Variants in SLC39A14 observed in about 807,000 individuals in gnomAD.
SLC39A14 encodes solute carrier family 39 member 14.
In SLC39A14, 19 loss-of-function variants were observed where a neutral mutation model predicts 45.5. The ratio of observed to expected loss-of-function variants is 0.42; its 90% confidence interval spans 0.29 to 0.61. The LOEUF is 0.61. Ranked by LOEUF, SLC39A14 falls within the 20% of genes least tolerant of loss-of-function variation. The pLI, the probability that SLC39A14 is intolerant of heterozygous loss-of-function variation, is 0.22. For synonymous variants in SLC39A14, 264 were observed against 251.3 expected (o/e 1.05, Z -0.48); for missense variants, 447 against 616.5 (o/e 0.73, Z 2.91).
rs145283346 is a variant in SLC39A14, at chr8:22,382,626, C to T, written c.-16+15218C>T. Among the ~76,000 whole-genome samples, 1,059 of 152,246 alleles carry T rather than the reference C, an allele frequency of 7.0e-3. 20 individuals carry two copies. The highest frequency in any genetic ancestry group is 0.025 in the African/African-American group (1,018 of 41,532). The stretch of plus-strand genomic sequence containing the variant: ...GTTGAAGGCTGTAGGGAGCTATGAT[C>T]CGGGCACTGCACTACAGCCTGTGCC... On this transcript the variant is annotated intron_variant, in intron 1 of 8. Coordinates refer to ENST00000381237, the MANE Select transcript of SLC39A14 (RefSeq NM_001128431.4).
At chr8:22,416,609 G>T (rs1338519249) in intron 7 of SLC39A14, among the ~76,000 whole-genome samples, 2,235 of 142,404 alleles carry the variant, frequency 0.016, 27 homozygotes, top group Non-Finnish European at 0.026. Flanking sequence ...TTTTTTTTTT[G>T]GATTTTTAGT....
Position 22,415,916 on chromosome 8 carries a change from A to G in SLC39A14, c.898A>G (p.Met300Val), listed in dbSNP as rs1835849244. The G allele has an allele frequency of 6.2e-7, 1 of 1,609,006 alleles. No individual in the cohort carries two copies. Among genetic ancestry groups the G allele is most frequent in the Non-Finnish European group, 8.5e-7 (1 of 1,177,394 alleles). The change falls in exon 6 of 9, where the codon ATG becomes GTG. Residue 300 changes from methionine to valine, a missense_variant. Physicochemically the swap from Met to Val is conservative, Grantham distance 21. Transcript: ENST00000381237. Reference protein sequence around the residue: ...CSSELDGKAPMVDEKVIVGSL... With the variant: ...CSSELDGKAPVVDEKVIVGSL... The stretch of plus-strand genomic sequence containing the variant: ...CAGTGAGCTGGACGGCAAGGCGCCC[A>G]TGGTGGACGAGAAGGTCATTGTGGG...
chr8:22,422,424 G>T lies in SLC39A14; in HGVS notation c.*2726G>T, dbSNP rs955619573. 2.0e-6 allele frequency: 2 copies of T among 985,750 alleles called. No homozygotes were observed. Among genetic ancestry groups the T allele is most frequent in the Middle Eastern group, 5.2e-4 (1 of 1,936 alleles). The allele number at this position is 985,750 out of a possible 1,614,324, so 61.1% of individuals were successfully genotyped here. On this transcript the variant is annotated 3_prime_UTR_variant, in exon 9 of 9. Transcript: ENST00000381237. ...GCTTCTCTGTTTGGGTAGCGTAAGA[G>T]CTGAGTATAGTAAGTCCTCTTCCAA...
At chr8:22,428,126 CCT>C (rs1836414785) in intron 8 of SLC39A14, among the ~76,000 whole-genome samples, 1 of 151,680 alleles carries the variant, frequency 6.6e-6, no homozygotes, top group African/African-American at 2.4e-5. Context: ...TGGGGAAACC[CCT>C]GTCTACGAAA....
rs1427200142 is a variant in SLC39A14 at position 22,382,981 on chromosome 8, G to A, written c.-16+15573G>A. On this transcript the variant is annotated intron_variant, in intron 1 of 8. Transcript: ENST00000381237. ...CATCCACCCGCATCGGCCTCCCAAA[G>A]TGTTGGGATTACAGGCGTGAGTCAC... Among the ~76,000 whole-genome samples the A allele has an allele frequency of 2.6e-5, 4 of 152,078 alleles. No homozygotes were observed. In the East Asian group the frequency reaches 7.8e-4, roughly 30 times the overall value.
chr8:22,408,095 C>G (rs927110973), intron 2 of SLC39A14, among the ~76,000 whole-genome samples: 3 of 152,226 alleles, frequency 2.0e-5, no homozygotes, highest in African/African-American at 7.2e-5. Flanking sequence ...GTGTAACTTT[C>G]CTGGCTGGCT....
downstream of SLC39A14, among the ~76,000 whole-genome samples, chr8:22,424,272 A>G (rs752880995): frequency 6.6e-6 from 1 of 152,188 alleles, no homozygotes; most frequent in African/African-American, 2.4e-5. Context: ...TCCTCTGTCA[A>G]TGCGACTTAA....
chr8:22,412,285 G>A, intron 4 of SLC39A14, 79 bp downstream of exon 4: 1 of 1,431,114 alleles, frequency 7.0e-7, no homozygotes. Flanking sequence ...AGAAGGCATA[G>A]AGAGGGCACC....
At chr8:22,423,565 G>A (rs1836325554), downstream of SLC39A14, among the ~76,000 whole-genome samples, 1 of 152,052 alleles carries the variant, frequency 6.6e-6, no homozygotes, top group Non-Finnish European at 1.5e-5. Context: ...TCGATCTCCT[G>A]ACCTCGTGAT....
At chr8:22,423,951 G>A (rs766841179), downstream of SLC39A14, among the ~76,000 whole-genome samples, 1 of 151,284 alleles carries the variant, frequency 6.6e-6, no homozygotes, top group Non-Finnish European at 1.5e-5. Context: ...GACTAGAGGC[G>A]AGCACTACCA....
At chr8:22,410,188 A>G (rs1586731118) in intron 3 of SLC39A14, 1 of 1,518,426 alleles carries the variant, frequency 6.6e-7, no homozygotes, top group Admixed American at 1.7e-5. Context: ...CTCCTCCCCT[A>G]CCCTGGGCTC....
intron 1 of SLC39A14, among the ~76,000 whole-genome samples, chr8:22,375,734 C>T (rs956415428): frequency 1.3e-5 from 2 of 152,154 alleles, no homozygotes; most frequent in Non-Finnish European, 2.9e-5. Flanking sequence ...GTGATCTACC[C>T]GCCTTGGCTT....
chr8:22,381,906 C>T (rs563358892), intron 1 of SLC39A14, among the ~76,000 whole-genome samples: 100 of 152,156 alleles, frequency 6.6e-4, no homozygotes, highest in Admixed American at 1.3e-3. Flanking sequence ...TTTGGGAGAC[C>T]GAGGCAGGTG....
At chr8:22,372,989 C>T (rs1011439574) in intron 1 of SLC39A14, among the ~76,000 whole-genome samples, 1 of 151,874 alleles carries the variant, frequency 6.6e-6, no homozygotes, top group Non-Finnish European at 1.5e-5. Context: ...TTTGAACGGG[C>T]GCAGTGACTC....
chr8:22,391,465 A>G (rs1298761967), intron 1 of SLC39A14, among the ~76,000 whole-genome samples: 3 of 152,196 alleles, frequency 2.0e-5, no homozygotes, highest in Admixed American at 2.0e-4. Context: ...AGAGAAGTGC[A>G]TAATAGGTGG....
downstream of SLC39A14, among the ~76,000 whole-genome samples, chr8:22,425,028 C>CAAA (rs71544902): frequency 0.28 from 20,675 of 73,928 alleles, 3,194 homozygotes; most frequent in East Asian, 0.46. Context: ...GACTCCGTCT[C>CAAA]AAAAAAAAAA....
chr8:22,371,899 C>T (rs1269604290), intron 1 of SLC39A14, among the ~76,000 whole-genome samples: 1 of 151,658 alleles, frequency 6.6e-6, no homozygotes, highest in Admixed American at 6.6e-5. Flanking sequence ...CGCCCGCCAC[C>T]ACGCCTGGCT....
At chr8:22,375,696 GC>G (rs1365935199) in intron 1 of SLC39A14, among the ~76,000 whole-genome samples, 2 of 152,062 alleles carry the variant, frequency 1.3e-5, no homozygotes, top group African/African-American at 4.8e-5. Flanking sequence ...CGCCATGTTG[GC>G]CAGACTGATC....
chr8:22,402,246 G>C (rs183174199), intron 1 of SLC39A14, among the ~76,000 whole-genome samples: 2 of 151,946 alleles, frequency 1.3e-5, no homozygotes, highest in Admixed American at 6.6e-5. Context: ...TTAGCCGGGC[G>C]TGGTGGCAGG....
Sources: allele counts gnomAD v4.1 joint callset (sites outside exome capture counted in the v4.1 genomes callset), GRCh38; gene constraint gnomAD v4.1.1; transcripts MANE v1.5; gene names NCBI Gene and HGNC (gene_info 2026-07-23, HGNC 2026-07-21).